The following ATP6V1C2 variants were observed in gnomAD, a reference collection of about 807,000 sequenced individuals.
ATP6V1C2 encodes the protein V-type proton ATPase subunit C 2.
In ATP6V1C2, 45 loss-of-function variants were observed where a neutral mutation model predicts 56.8. The observed-to-expected ratio is 0.79, with a 90% CI of 0.62 to 1.02. The LOEUF (loss-of-function observed/expected upper bound fraction) is 1.02. ATP6V1C2 is among the 50% of genes least tolerant of loss of function. The pLI is 0.00. For synonymous variants in ATP6V1C2, 220 were observed against 201.3 expected, an observed-to-expected ratio of 1.09 and a Z score of -0.79; for missense variants, 463 against 519.7, an observed-to-expected ratio of 0.89 and a Z score of 1.06.
chr2:10,753,246 G>C (rs1663322473), intron 3 of ATP6V1C2, among the ~76,000 whole-genome samples: 1 of 152,192 alleles, frequency 6.6e-6, no homozygotes, highest in African/African-American at 2.4e-5. Flanking sequence ...GCCTGTAGGA[G>C]TTTGTATCTT....
rs188460201 is a variant in ATP6V1C2 at position 10,775,016 on chromosome 2, T to C, written c.770T>C (p.Ile257Thr). The C allele has an allele frequency of 3.7e-6, 6 of 1,614,036 alleles. No homozygotes were observed. Among genetic ancestry groups the C allele is most frequent in the East Asian group, 2.2e-5 (1 of 44,868 alleles). ...VREFYYDEKE[I>T]EREREEMARL... Reference sequence around the variant, plus strand: ...GAATTTTACTATGATGAGAAGGAAATTGAAAGGGAAAGGGAGGAGATGGCC... The same window carrying C: ...GAATTTTACTATGATGAGAAGGAAACTGAAAGGGAAAGGGAGGAGATGGCC... Residue 257 changes from isoleucine (I) to threonine (T), a missense_variant, in exon 10 of 14, where the codon ATT becomes ACT. Ile to Thr is a moderately conservative substitution (Grantham distance 89, BLOSUM62 -1). Transcript: ENST00000272238.
intron 4 of ATP6V1C2, among the ~76,000 whole-genome samples, chr2:10,761,569 T>G (rs1663907651): frequency 6.6e-6 from 1 of 152,226 alleles, no homozygotes; most frequent in African/African-American, 2.4e-5. Context: ...CAGCCTGGAC[T>G]GCTGTCACAA....
intron 3 of ATP6V1C2, among the ~76,000 whole-genome samples, chr2:10,736,388 G>T (rs1197569760): frequency 6.6e-6 from 1 of 152,088 alleles, no homozygotes; most frequent in Non-Finnish European, 1.5e-5. Flanking sequence ...TTCGCAAATT[G>T]CATTTTGCTA....
At chr2:10,770,792 C>T (rs1225888646) in intron 6 of ATP6V1C2, among the ~76,000 whole-genome samples, 1 of 152,264 alleles carries the variant, frequency 6.6e-6, no homozygotes, top group Non-Finnish European at 1.5e-5. Flanking sequence ...CTCCTCTGCG[C>T]TCTCTTTTCT....
chr2:10,761,027 C>T (rs137914712), intron 4 of ATP6V1C2, among the ~76,000 whole-genome samples: 3 of 152,300 alleles, frequency 2.0e-5, no homozygotes, highest in Middle Eastern at 3.4e-3. Context: ...ACCAGTGAGT[C>T]ACAGTCTCTG....
Position 10,775,086 on chromosome 2 carries a change from G to C in ATP6V1C2, c.825+15G>C. ...AGCAACAGTATGTGAGTATGTGATT[G>C]AGCAGCTCCTCCCGCCCCTACCCGG... On this transcript the variant is annotated intron_variant, in intron 10 of 13. Transcript: ENST00000272238. The C allele has an allele frequency of 6.2e-7, 1 of 1,602,208 alleles. No homozygotes were observed. Among genetic ancestry groups the C allele is most frequent in the Non-Finnish European group, 8.5e-7 (1 of 1,169,590 alleles).
intron 10 of ATP6V1C2, among the ~76,000 whole-genome samples, chr2:10,775,534 C>T (rs773176412): frequency 3.3e-5 from 5 of 152,218 alleles, no homozygotes; most frequent in East Asian, 1.9e-4. Context: ...GTTTCCAGGG[C>T]GCCACTAGCC....
chr2:10,746,766 T>TA (rs1167824544), intron 3 of ATP6V1C2, among the ~76,000 whole-genome samples: 1 of 152,220 alleles, frequency 6.6e-6, no homozygotes. Context: ...AATTAAAACA[T>TA]AGCATTACAT....
intron 3 of ATP6V1C2, among the ~76,000 whole-genome samples, chr2:10,736,428 A>G (rs185461580): frequency 1.3e-5 from 2 of 152,296 alleles, no homozygotes; most frequent in Admixed American, 1.3e-4. Context: ...AACTCTTTCA[A>G]GTTATTTGAA....
chr2:10,739,278 C>G (rs561268987), intron 3 of ATP6V1C2, among the ~76,000 whole-genome samples: 1 of 148,822 alleles, frequency 6.7e-6, no homozygotes, highest in African/African-American at 2.5e-5. Flanking sequence ...AGCAAAACTC[C>G]GTCTCAAAAA....
chr2:10,738,625 G>A (rs932067062), intron 3 of ATP6V1C2, among the ~76,000 whole-genome samples: 1 of 152,152 alleles, frequency 6.6e-6, no homozygotes, highest in African/African-American at 2.4e-5. Context: ...GTAAATGGCA[G>A]CCATTTGGAC....
Position 10,777,579 on chromosome 2 carries a change from C to T in ATP6V1C2, c.826-6C>T, listed in dbSNP as rs1665078916. Reference sequence around the variant, plus strand: ...AAAGATTAATAAATCATTTCTGTGCCTTTAGCAAACTTCCTGTGTTGCTCT... The same window carrying T: ...AAAGATTAATAAATCATTTCTGTGCTTTTAGCAAACTTCCTGTGTTGCTCT... On this transcript the variant is annotated splice_polypyrimidine_tract_variant and splice_region_variant and intron_variant, in intron 10 of 13. Coordinates refer to ENST00000272238, the MANE Select transcript of ATP6V1C2 (RefSeq NM_001039362.2). 1.1e-5 allele frequency: 17 copies of T among 1,605,026 alleles called. No individual in the cohort carries two copies. Among genetic ancestry groups the T allele is most frequent in the Non-Finnish European group, 1.1e-5 (13 of 1,177,788 alleles).
chr2:10,777,529 A>G (rs988504178), intron 10 of ATP6V1C2, 56 bp from the exon 11 acceptor site: 20 of 1,588,150 alleles, frequency 1.3e-5, no homozygotes, highest in East Asian at 4.5e-5. Context: ...AGAATGATTT[A>G]TTTGTTTGTG....
chr2:10,723,634 C>T lies in ATP6V1C2; in HGVS notation c.129+656C>T, dbSNP rs546333807. ...TGGGTGGATCATGAGGTCAGGAGATCGAGACCATCCTGGCTAACACGGTGA... is the reference window on the plus strand; with the variant it reads ...TGGGTGGATCATGAGGTCAGGAGATTGAGACCATCCTGGCTAACACGGTGA... On this transcript the variant is annotated intron_variant, in intron 2 of 13. Transcript: ENST00000272238. Among the ~76,000 whole-genome samples, 6 of 151,514 alleles carry T rather than the reference C, an allele frequency of 4.0e-5. No individual in the cohort carries two copies. In the East Asian group the frequency reaches 8.0e-4, roughly 20 times the overall value.
chr2:10,736,982 C>G (rs1001971062), intron 3 of ATP6V1C2, among the ~76,000 whole-genome samples: 1 of 151,974 alleles, frequency 6.6e-6, no homozygotes, highest in Non-Finnish European at 1.5e-5. Context: ...CTACTAGGCT[C>G]AAGGAGTCCT....
rs181414754 is a variant in ATP6V1C2, at chr2:10,763,584, C to G, written c.284-747C>G. Among the ~76,000 whole-genome samples the G allele has an allele frequency of 6.6e-6, 1 of 152,178 alleles. No individual in the cohort carries two copies. The highest frequency in any genetic ancestry group is 6.5e-5 in the Admixed American group (1 of 15,276). Reference sequence around the variant, plus strand: ...CTGGGACATCCGCCATGGGAAGGGCCCTCTGCCAGGGGCACAGGAATTCCA... The same window carrying G: ...CTGGGACATCCGCCATGGGAAGGGCGCTCTGCCAGGGGCACAGGAATTCCA... On this transcript the variant is annotated intron_variant, in intron 4 of 13. Coordinates refer to ENST00000272238, the MANE Select transcript of ATP6V1C2 (RefSeq NM_001039362.2). The surrounding 1 kb of genome is among the most constrained non-coding windows in gnomAD (Gnocchi z 4.2).
At position 10,779,449 on chromosome 2, in the gene ATP6V1C2, A is replaced by ATG. The variant is rs1483572000; in HGVS notation, c.1061+781_1061+782insGT. ...AAAAAATATATATATATATGTATGTATATATATATATATATGCCCTTGTCA... is the reference window on the plus strand; with the variant it reads ...AAAAAATATATATATATATGTATGTATGTATATATATATATATGCCCTTGTCA... On this transcript the variant is annotated intron_variant, in intron 12 of 13. Transcript: ENST00000272238. Among the ~76,000 whole-genome samples the ATG allele has an allele frequency of 8.1e-3, 231 of 28,496 alleles. 1 individual carries two copies. The highest frequency in any genetic ancestry group is 0.022 in the African/African-American group (207 of 9,480). 18.7% of individuals were successfully genotyped at this position (28,496 alleles called of 152,430 possible). A position where few individuals can be genotyped will look rare whatever the true frequency, so the allele number is the denominator to read the frequency against.
At chr2:10,767,159 C>T (rs373190476) in intron 5 of ATP6V1C2, among the ~76,000 whole-genome samples, 94 of 109,216 alleles carry the variant, frequency 8.6e-4, no homozygotes, top group South Asian at 1.2e-3. Context: ...CATTTTTTAT[C>T]TTTTTTTTTT....
chr2:10,771,034 G>A (rs1372097594), intron 6 of ATP6V1C2, among the ~76,000 whole-genome samples: 1 of 152,242 alleles, frequency 6.6e-6, no homozygotes, highest in Admixed American at 6.5e-5. Flanking sequence ...CATGCATGCG[G>A]TGCCCAGGGA....
Sources: gnomAD v4.1 joint callset for allele counts (sites outside exome capture counted in the v4.1 genomes callset) on GRCh38, gnomAD v4.1.1 for gene constraint, Gnocchi (gnomAD v3.1) non-coding constraint, MANE v1.5 for transcripts, NCBI Gene and HGNC (gene_info 2026-07-23, HGNC 2026-07-21) for gene names.